The following SCAPER variants were observed in gnomAD, a reference collection of about 807,000 sequenced individuals.
The protein encoded by SCAPER is S phase cyclin A-associated protein in the endoplasmic reticulum.
A neutral mutation model predicts 182.2 loss-of-function variants in SCAPER; 98 were observed. The observed-to-expected ratio is 0.54, with a 90% confidence interval of 0.46 to 0.64. The LOEUF (loss-of-function observed/expected upper bound fraction) is 0.64, where lower values mean the gene tolerates loss of function less well. SCAPER is among the 30% of genes least tolerant of loss of function. SCAPER has a pLI of 0.00. For synonymous variants in SCAPER, 605 were observed against 564.6 expected (o/e 1.07, Z -1.01); for missense variants, 1,432 against 1,690.0 (o/e 0.85, Z 2.68).
At chr15:76,562,972 G>C (rs1478795013) in intron 23 of SCAPER, among the ~76,000 whole-genome samples, 2 of 152,160 alleles carry the variant, frequency 1.3e-5, no homozygotes, top group Non-Finnish European at 2.9e-5. Flanking sequence ...TCAAAATGCA[G>C]ACAGTAGGAT....
At chr15:76,726,472 A>C (rs1318080269) in intron 17 of SCAPER, among the ~76,000 whole-genome samples, 1 of 151,918 alleles carries the variant, frequency 6.6e-6, no homozygotes, top group Non-Finnish European at 1.5e-5. Flanking sequence ...AAAAACCAAT[A>C]AAATTAGTAT....
At chr15:76,460,489 G>A (rs1334990355) in intron 25 of SCAPER, among the ~76,000 whole-genome samples, 2 of 152,064 alleles carry the variant, frequency 1.3e-5, no homozygotes, top group Non-Finnish European at 2.9e-5. Context: ...ATAAGATCAT[G>A]CCAACTGCAA....
At chr15:76,670,864 T>C (rs1253623115) in intron 20 of SCAPER, among the ~76,000 whole-genome samples, 1 of 152,202 alleles carries the variant, frequency 6.6e-6, no homozygotes, top group Non-Finnish European at 1.5e-5. Context: ...AGAGATCACC[T>C]TTTGATGATA....
chr15:76,813,227 T>TAAAAAAAAAAAAAAAA (rs746891532), intron 5 of SCAPER, among the ~76,000 whole-genome samples: 9 of 17,246 alleles, frequency 5.2e-4, no homozygotes, highest in East Asian at 3.3e-3. Context: ...ATCCTTTCAC[T>TAAAAAAAAAAAAAAAA]AAAAAAAAAA....
chr15:76,458,911 T>C (rs535431519), intron 25 of SCAPER, among the ~76,000 whole-genome samples: 14 of 152,126 alleles, frequency 9.2e-5, no homozygotes, highest in Non-Finnish European at 1.5e-4. Flanking sequence ...TATTTATTCA[T>C]TGAGACAAGG....
intron 27 of SCAPER, among the ~76,000 whole-genome samples, chr15:76,383,129 C>CAT (rs1279814188): frequency 6.6e-6 from 1 of 151,478 alleles, no homozygotes; most frequent in East Asian, 2.0e-4. Context: ...CCTACACACA[C>CAT]ATATATATAC....
At position 76,740,951 on chromosome 15, in the gene SCAPER, C is replaced by T. The variant is rs544769308; in HGVS notation, c.1867-7567G>A. Reference sequence around the variant, plus strand: ...CTCATCTCTTTTTAGCAAGGGTTCCCTAAAAATGTTCAGAAATTAAAATGA... The same window carrying T: ...CTCATCTCTTTTTAGCAAGGGTTCCTTAAAAATGTTCAGAAATTAAAATGA... On this transcript the variant is annotated intron_variant, in intron 15 of 31. Transcript: ENST00000563290. 3.3e-5 allele frequency among the ~76,000 whole-genome samples: 5 copies of T among 152,090 alleles called. No individual in the cohort carries two copies. The East Asian group carries it at 9.7e-4, about 29-fold the overall frequency.
In SCAPER at chr15:76,841,851, G is replaced by T; in HGVS notation, c.276C>A (p.His92Gln). The T allele has an allele frequency of 2.5e-6, 4 of 1,613,914 alleles. No homozygotes were observed. Among genetic ancestry groups the T allele is most frequent in the Non-Finnish European group, 3.4e-6 (4 of 1,179,860 alleles). Residue 92 changes from histidine to glutamine, a missense_variant, in exon 5 of 32, where the codon CAC (histidine) becomes CAA (glutamine). Around this residue, in one of 5 missense-constraint regions of SCAPER, gnomAD observed 480 missense variants for 510.2 expected, o/e 0.94. Transcript: ENST00000563290. ...HFDKSPTKTR[H>Q]PRKIDLRARY... Reference sequence around the variant, plus strand: ...GAGCTCTTAGATCAATTTTCCGAGGGTGCCTTGTTTTAGTGGGACTTTTAT... The same window carrying T: ...GAGCTCTTAGATCAATTTTCCGAGGTTGCCTTGTTTTAGTGGGACTTTTAT...
At chr15:76,791,340 T>C (rs1330511391) in intron 8 of SCAPER, among the ~76,000 whole-genome samples, 2 of 152,118 alleles carry the variant, frequency 1.3e-5, no homozygotes, top group African/African-American at 4.8e-5. Context: ...TTAAACAGCA[T>C]TGAAAAGCAG....
chr15:76,412,266 A>G lies in SCAPER; in HGVS notation c.3312-7587T>C, dbSNP rs145409554. On this transcript the variant is annotated intron_variant, in intron 26 of 31. Coordinates refer to ENST00000563290, the MANE Select transcript of SCAPER (RefSeq NM_020843.4). ...TATATGATACTGTACTGATGAGTAC[A>G]TGGCATTATACATTTGTCAAAATCC... is the stretch of plus-strand genomic sequence containing the variant. Among the ~76,000 whole-genome samples the G allele has an allele frequency of 3.6e-3, 541 of 152,280 alleles. 2 individuals carry two copies. The highest frequency in any genetic ancestry group is 6.4e-3 in the South Asian group (31 of 4,826).
chr15:76,757,019 C>T (rs116063195), intron 14 of SCAPER, among the ~76,000 whole-genome samples: 148,894 of 152,168 alleles, frequency 0.98, 72,918 homozygotes, highest in South Asian at 1. Context: ...TAGTGCCCCA[C>T]CCACTTACCC....
At chr15:76,368,384 G>A (rs150619988) in intron 29 of SCAPER, among the ~76,000 whole-genome samples, 8 of 152,342 alleles carry the variant, frequency 5.3e-5, no homozygotes, top group South Asian at 2.1e-4. Flanking sequence ...ATTTCTGTGC[G>A]TGGGGAAACA....
chr15:76,349,921 T>C (rs550715373), intron 31 of SCAPER: 10 of 152,272 alleles, frequency 6.6e-5, no homozygotes, highest in Admixed American at 5.9e-4. Flanking sequence ...CTCATCTTTA[T>C]GATCAGGAGA....
In SCAPER at chr15:76,535,513, C is replaced by T. The variant is rs1259812674; in HGVS notation, c.2839-30539G>A. Reference sequence around the variant, plus strand: ...CTCCAGCCTGGGCGACAGAGCAAGACTCTGTCTCAAAAAAAAAAAAAAAAA... The same window carrying T: ...CTCCAGCCTGGGCGACAGAGCAAGATTCTGTCTCAAAAAAAAAAAAAAAAA... On this transcript the variant is annotated intron_variant, in intron 23 of 31. Transcript: ENST00000563290. Among the ~76,000 whole-genome samples, 6 of 99,072 alleles carry T rather than the reference C, an allele frequency of 6.1e-5. No individual in the cohort carries two copies. The South Asian group carries it at 2.1e-3, about 34-fold the overall frequency. The allele number at this position is 99,072 out of a possible 152,430, so 65.0% of individuals were successfully genotyped here.
At chr15:76,521,775 C>T (rs2042856565) in intron 23 of SCAPER, among the ~76,000 whole-genome samples, 1 of 152,094 alleles carries the variant, frequency 6.6e-6, no homozygotes, top group South Asian at 2.1e-4. Flanking sequence ...TGGCACACTG[C>T]TTTAAATAAA....
intron 7 of SCAPER, among the ~76,000 whole-genome samples, chr15:76,799,024 G>C (rs7182749): frequency 6.6e-6 from 1 of 152,118 alleles, no homozygotes; most frequent in African/African-American, 2.4e-5. Flanking sequence ...TTTGTTTGTA[G>C]CTCTTTTCTT....
At chr15:76,632,847 A>G (rs1597818816) in intron 21 of SCAPER, among the ~76,000 whole-genome samples, 1 of 138,686 alleles carries the variant, frequency 7.2e-6, no homozygotes, top group Admixed American at 8.0e-5. Flanking sequence ...ATCTCAGCTC[A>G]CTGCAGCCTC....
chr15:76,621,636 G>A, intron 22 of SCAPER, 128 bp downstream of exon 22: 2 of 790,024 alleles, frequency 2.5e-6, no homozygotes, highest in Non-Finnish European at 4.1e-6. Context: ...ATACTACTGT[G>A]TTAAGAGAAT....
chr15:76,608,546 C>T (rs1324164576), intron 22 of SCAPER, among the ~76,000 whole-genome samples: 1 of 152,138 alleles, frequency 6.6e-6, no homozygotes. Flanking sequence ...TTTAAAGCTG[C>T]CAGAGAGGGA....
Sources: gnomAD v4.1 joint callset for allele counts (sites outside exome capture counted in the v4.1 genomes callset) on GRCh38, gnomAD v4.1.1 for gene constraint, gnomAD v4.1.1 regional missense constraint, MANE v1.5 for transcripts, NCBI Gene and HGNC (gene_info 2026-07-23, HGNC 2026-07-21) for gene names.